BYSL: variants seen among roughly 807,000 people sequenced by gnomAD.
The protein encoded by BYSL is bystin like, also known as bystin.
A neutral mutation model predicts 45.4 loss-of-function variants in BYSL; 21 were observed. That is an observed-to-expected ratio of 0.46 (90% CI 0.33 to 0.67). BYSL has a LOEUF of 0.67. Ranked by LOEUF, BYSL falls within the 30% of genes least tolerant of loss-of-function variation. BYSL has a pLI of 0.02. For missense variants in BYSL, 522 were observed against 578.5 expected, an observed-to-expected ratio of 0.90 and a Z score of 1.00; for synonymous variants, 215 against 231.3, an observed-to-expected ratio of 0.93 and a Z score of 0.64.
chr6:41,921,180 G>T, upstream of BYSL: 1 of 913,804 alleles, frequency 1.1e-6, no homozygotes, highest in South Asian at 1.8e-5. Flanking sequence ...CCCAAGGAAT[G>T]GGGCGTGTCT....
chr6:41,924,227 A>ATTT (rs57469455), intron 1 of BYSL, among the ~76,000 whole-genome samples: 4 of 144,830 alleles, frequency 2.8e-5, no homozygotes, highest in African/African-American at 1.0e-4. Flanking sequence ...CACCCAGCTA[A>ATTT]TTTTTTTTTT....
chr6:41,927,351 C>T, intron 1 of BYSL, 23 bp from the exon 2 acceptor site: 1 of 1,612,598 alleles, frequency 6.2e-7, no homozygotes, highest in Non-Finnish European at 8.5e-7. Flanking sequence ...CTGTGCTCAT[C>T]CATTTAGTCT....
chr6:41,917,075 A>G (rs1310575127), upstream of BYSL: 2 of 872,332 alleles, frequency 2.3e-6, no homozygotes, highest in South Asian at 5.1e-5. Context: ...CCGTCTCCCA[A>G]TCCCTGCAAC....
the BYSL span, chr6:41,909,100 G>T: frequency 1.2e-6 from 1 of 814,290 alleles, no homozygotes; most frequent in Middle Eastern, 3.8e-4. Context: ...CTTGAGCCCT[G>T]GAGGTCGAGG....
At chr6:41,918,027 G>T (rs542105949), upstream of BYSL, 1 of 273,550 alleles carries the variant, frequency 3.7e-6, no homozygotes, top group South Asian at 3.2e-5. Context: ...AAAAAAAAAC[G>T]TTATTTCTAA....
Position 41,931,839 on chromosome 6 carries a change from G to A in BYSL, c.968+9G>A. 6.2e-7 allele frequency: 1 copy of A among 1,608,904 alleles called. No homozygotes were observed. The highest frequency in any genetic ancestry group is 8.5e-7 in the Non-Finnish European group (1 of 1,175,302). ...CCTGTGTTGCACTCCAGGTAGTATT[G>A]CTGGGGGTGGAAGGGGGCTGGTCAG... is the stretch of plus-strand genomic sequence containing the variant. On this transcript the variant is annotated intron_variant, in intron 6 of 6. Transcript: ENST00000230340.
chr6:41,930,472 C>CTT, intron 3 of BYSL, 163 bp from the exon 4 acceptor site: 1 of 1,224,620 alleles, frequency 8.2e-7, no homozygotes, highest in African/African-American at 1.5e-5. Flanking sequence ...TACTGGAACT[C>CTT]TCACTGGTCA....
At chr6:41,916,516 GT>G (rs1191134067), upstream of BYSL, among the ~76,000 whole-genome samples, 2 of 151,616 alleles carry the variant, frequency 1.3e-5, no homozygotes, top group African/African-American at 2.4e-5. Flanking sequence ...GGAGGTGGAG[GT>G]TGCAGTGAGC....
rs1775472270 is a variant in BYSL, at chr6:41,921,545, G to T, written c.-18G>T. The T allele has an allele frequency of 1.3e-6, 2 of 1,552,162 alleles. No homozygotes were observed. On this transcript the variant is annotated 5_prime_UTR_variant, in exon 1 of 7. Transcript: ENST00000230340. ...CAGTCCCCACGTGCGATCCTTCCCGGCAACTTTTTCGAGAAAAATGCCCAA... is the reference window on the plus strand; with the variant it reads ...CAGTCCCCACGTGCGATCCTTCCCGTCAACTTTTTCGAGAAAAATGCCCAA...
chr6:41,918,804 G>A (rs1398321743), upstream of BYSL, among the ~76,000 whole-genome samples: 9 of 149,152 alleles, frequency 6.0e-5, no homozygotes, highest in South Asian at 4.3e-4. Context: ...AAAATTAGCC[G>A]GGCGCGGTGG....
the BYSL span, among the ~76,000 whole-genome samples, chr6:41,911,996 G>A: frequency 1.3e-4 from 20 of 151,868 alleles, no homozygotes; most frequent in African/African-American, 4.8e-4. Context: ...GTGTGTGTGT[G>A]CGCTTAATGA....
chr6:41,917,325 G>C (rs1439931349), upstream of BYSL: 2 of 170,960 alleles, frequency 1.2e-5, no homozygotes, highest in Non-Finnish European at 2.6e-5. Flanking sequence ...ATTTGAACCC[G>C]GGAGGCCGAG....
chr6:41,931,252 A>C (rs1394759699), intron 4 of BYSL, 144 bp from the exon 5 acceptor site: 5 of 937,384 alleles, frequency 5.3e-6, no homozygotes, highest in Non-Finnish European at 6.4e-6. Context: ...TTGCATGCAC[A>C]CAGCTCCCAC....
the BYSL span, chr6:41,909,505 T>G: frequency 1.9e-6 from 3 of 1,614,174 alleles, no homozygotes; most frequent in Non-Finnish European, 2.5e-6. Context: ...ATCACATACA[T>G]CAGCTTCCCG....
chr6:41,922,882 G>A (rs1410456438), intron 1 of BYSL, among the ~76,000 whole-genome samples: 1 of 152,122 alleles, frequency 6.6e-6, no homozygotes, highest in Non-Finnish European at 1.5e-5. Context: ...GTCTCAGTTA[G>A]TAGCATATTC....
upstream of BYSL, among the ~76,000 whole-genome samples, chr6:41,919,735 G>T (rs1442138872): frequency 6.6e-6 from 1 of 152,090 alleles, no homozygotes; most frequent in Non-Finnish European, 1.5e-5. Context: ...TTCAAGACCT[G>T]CATGTACAAA....
At chr6:41,930,976 G>T (rs911778543) in intron 4 of BYSL, among the ~76,000 whole-genome samples, 1 of 151,970 alleles carries the variant, frequency 6.6e-6, no homozygotes, top group Non-Finnish European at 1.5e-5. Flanking sequence ...CCTCCGTGAT[G>T]AATTTCTAGG....
chr6:41,915,332 A>C, the BYSL span, among the ~76,000 whole-genome samples: 1 of 151,564 alleles, frequency 6.6e-6, no homozygotes, highest in Admixed American at 6.6e-5. Context: ...GACCACACCC[A>C]AAAGTAAAAA....
At chr6:41,911,570 G>C in the BYSL span, among the ~76,000 whole-genome samples, 5 of 152,108 alleles carry the variant, frequency 3.3e-5, no homozygotes, top group Admixed American at 2.6e-4. Context: ...AAATGAACAA[G>C]TCAGCAGGAA....
Sources: gnomAD v4.1 joint callset for allele counts (sites outside exome capture counted in the v4.1 genomes callset) on GRCh38, gnomAD v4.1.1 for gene constraint, MANE v1.5 for transcripts, NCBI Gene and HGNC (gene_info 2026-07-23, HGNC 2026-07-21) for gene names.